Variants in OTOF observed in about 807,000 individuals in gnomAD.
OTOF encodes the protein fer-1-like family member 2.
OTOF carries 218 observed loss-of-function variants against 236.8 expected under a neutral mutation model. The ratio of observed to expected loss-of-function variants is 0.92; its 90% confidence interval spans 0.82 to 1.03. The LOEUF (loss-of-function observed/expected upper bound fraction) is 1.03, where lower values mean the gene tolerates loss of function less well. Ranked by LOEUF, OTOF falls within the 50% of genes least tolerant of loss-of-function variation. OTOF has a pLI of 0.00. For synonymous variants in OTOF, 1,041 were observed against 1,072.5 expected, an observed-to-expected ratio of 0.97 and a Z score of 0.57; for missense variants, 2,590 against 2,694.4, an observed-to-expected ratio of 0.96 and a Z score of 0.86.
In OTOF at chr2:26,477,082, G is replaced by T; in HGVS notation, c.2524-39C>A. ...GGTGGCCAGGGGCAGTGGGTAAGGGGGTCTAGCCTCCTGATTGAGCCCCCT... is the reference window on the plus strand; with the variant it reads ...GGTGGCCAGGGGCAGTGGGTAAGGGTGTCTAGCCTCCTGATTGAGCCCCCT... On this transcript the variant is annotated intron_variant, in intron 21 of 46. Coordinates refer to ENST00000272371, the MANE Select transcript of OTOF (RefSeq NM_194248.3). This position sits in a 1 kb window ranked among gnomAD's most constrained non-coding sequence, Gnocchi z 4.7. 2 of 1,526,054 alleles carry T rather than the reference G, an allele frequency of 1.3e-6. No homozygotes were observed. Among genetic ancestry groups the T allele is most frequent in the South Asian group, 1.2e-5 (1 of 85,276 alleles). 94.5% of individuals were successfully genotyped at this position (1,526,054 alleles called of 1,614,324 possible).
intron 38 of OTOF, 142 bp downstream of exon 38, chr2:26,465,530 C>A: frequency 1.2e-6 from 1 of 840,350 alleles, no homozygotes; most frequent in Non-Finnish European, 1.9e-6. Context: ...AAGACTGTGC[C>A]CAGGGACTGT....
Position 26,475,451 on chromosome 2 carries a change from C to T in OTOF, c.3034G>A (p.Val1012Met). Residue 1012 changes from valine (V) to methionine (M), a missense_variant, in exon 25 of 47, where the codon GTG becomes ATG. By Grantham distance (21) the Val-to-Met change is conservative (BLOSUM62 1). Around this residue, in one of 2 missense-constraint regions of OTOF, gnomAD observed 1,211 missense variants for 1,352.8 expected, o/e 0.90. Transcript: ENST00000272371. The part of the protein sequence containing the change: ...TLCPTWDQML[V>M]FDNLELYGEA... The stretch of plus-strand genomic sequence containing the variant: ...CCATAGAGCTCCAGGTTGTCGAACA[C>T]CAGCATCTGGTCCCAGGTGGGACAC... 6.2e-7 allele frequency: 1 copy of T among 1,613,122 alleles called. No homozygotes were observed. The highest frequency in any genetic ancestry group is 8.5e-7 in the Non-Finnish European group (1 of 1,179,938).
In OTOF at chr2:26,460,181, C is replaced by T; in HGVS notation, c.5838G>A (p.Trp1946Ter). 1 of 1,605,068 alleles carries T rather than the reference C, an allele frequency of 6.2e-7. No homozygotes were observed. The highest frequency in any genetic ancestry group is 8.5e-7 in the Non-Finnish European group (1 of 1,176,374). Residue 1946 changes from tryptophan (W) to a stop codon, truncating the protein, a stop_gained, in exon 46 of 47, where the codon TGG becomes TGA. Transcript: ENST00000272371. LOFTEE classifies it high-confidence loss of function. The surrounding 1 kb of genome is among the most constrained non-coding windows in gnomAD (Gnocchi z 5.3). ...GAGCCGACTTGAGAGGGTTCAGGAA[C>T]CAGATGAAGCTCGTGTCGGGCCGGC... ...KPNRPDTSFIWFLNPLKSARY... is the reference protein window; with the variant it reads ...KPNRPDTSFI
Position 26,462,260 on chromosome 2 carries a change from C to A in OTOF, c.5193-79G>T. On this transcript the variant is annotated intron_variant, in intron 41 of 46. Coordinates refer to ENST00000272371, the MANE Select transcript of OTOF (RefSeq NM_194248.3). This position sits in a 1 kb window ranked among gnomAD's most constrained non-coding sequence, Gnocchi z 4.7. ...GGTGCCAGGGCTGGGATGGGGCAGG[C>A]GGAGAGAAGCCCTGGGGTCTTGGGG... 1 of 1,222,254 alleles carries A rather than the reference C, an allele frequency of 8.2e-7. No individual in the cohort carries two copies. The highest frequency in any genetic ancestry group is 1.2e-6 in the Non-Finnish European group (1 of 825,478). The allele number at this position is 1,222,254 out of a possible 1,614,324, so 75.7% of individuals were successfully genotyped here. A position where few individuals can be genotyped will look rare whatever the true frequency, so the allele number is the denominator to read the frequency against.
rs34960757 is a variant in OTOF at position 26,464,930 on chromosome 2, AG to A, written c.4898del (p.Pro1633LeufsTer4). 2 of 1,586,510 alleles carry A rather than the reference AG, an allele frequency of 1.3e-6. No homozygotes were observed. The highest frequency in any genetic ancestry group is 1.7e-6 in the Non-Finnish European group (2 of 1,166,000). On this transcript the variant is annotated frameshift_variant, in exon 39 of 47. Coordinates refer to ENST00000272371, the MANE Select transcript of OTOF (RefSeq NM_194248.3). LOFTEE classifies it high-confidence loss of function. ...GKVDGPHFGP[P>X]GRVKVANRVF... Reference sequence around the variant, plus strand: ...CGCGGTTGGCCACCTTCACTCTCCCAGGGGGCCCAAAGTGGGGGCCGTCCAC... The same window carrying A: ...CGCGGTTGGCCACCTTCACTCTCCCAGGGGCCCAAAGTGGGGGCCGTCCAC...
At chr2:26,517,799 G>A (rs1486575531) in intron 4 of OTOF, among the ~76,000 whole-genome samples, 3 of 152,194 alleles carry the variant, frequency 2.0e-5, no homozygotes, top group Non-Finnish European at 4.4e-5. Flanking sequence ...AGATCCGTGA[G>A]TCCTTTCCTC....
chr2:26,465,543 G>A (rs1476818669), intron 38 of OTOF, 129 bp downstream of exon 38: 3 of 953,908 alleles, frequency 3.1e-6, no homozygotes, highest in South Asian at 2.8e-5. Context: ...GGGACTGTAG[G>A]GGCAGAGGCC....
At position 26,480,271 on chromosome 2, in the gene OTOF, G is replaced by C. The variant is rs759365439; in HGVS notation, c.1844C>G (p.Ala615Gly). ...GKMEEFFLFG[A>G]FLEASMIDRR... ...GTCGATCATTGAGGCCTCCAGGAAG[G>C]CTCCAAAGAGAAAGAATTCTTCCAT... The change falls in exon 16 of 47, where the codon GCC becomes GGC. Residue 615 changes from alanine (A) to glycine (G), a missense_variant. By Grantham distance (60) the Ala-to-Gly change is moderately conservative. Around this residue, in one of 2 missense-constraint regions of OTOF, gnomAD observed 1,379 missense variants for 1,341.6 expected, o/e 1.03. Transcript: ENST00000272371. 1 of 1,612,388 alleles carries C rather than the reference G, an allele frequency of 6.2e-7. No individual in the cohort carries two copies. Among genetic ancestry groups the C allele is most frequent in the Admixed American group, 1.7e-5 (1 of 60,030 alleles).
chr2:26,541,035 C>T (rs1667201466), intron 1 of OTOF, among the ~76,000 whole-genome samples: 1 of 152,232 alleles, frequency 6.6e-6, no homozygotes, highest in African/African-American at 2.4e-5. Flanking sequence ...TGTATGGGGG[C>T]TTCCCCTAAA....
intron 5 of OTOF, among the ~76,000 whole-genome samples, chr2:26,515,789 G>C (rs1666508676): frequency 6.6e-6 from 1 of 152,198 alleles, no homozygotes; most frequent in African/African-American, 2.4e-5. Context: ...GTCTCTAATA[G>C]TAATACAATT....
At chr2:26,464,548 G>A (rs1171161924) in intron 39 of OTOF, among the ~76,000 whole-genome samples, 1 of 152,158 alleles carries the variant, frequency 6.6e-6, no homozygotes, top group Non-Finnish European at 1.5e-5. Flanking sequence ...CCTCTAAAGA[G>A]CCACATGACC....
chr2:26,462,156 T>G lies in OTOF; in HGVS notation c.5218A>C (p.Asn1740His). The G allele has an allele frequency of 1.2e-6, 2 of 1,613,784 alleles. No individual in the cohort carries two copies. Among genetic ancestry groups the G allele is most frequent in the South Asian group, 2.2e-5 (2 of 91,050 alleles). Residue 1740 changes from asparagine (N) to histidine (H), a missense_variant, in exon 42 of 47, where the codon AAC (asparagine) becomes CAC (histidine). Around this residue, in one of 2 missense-constraint regions of OTOF, gnomAD observed 1,211 missense variants for 1,352.8 expected, o/e 0.90. Transcript: ENST00000272371. The surrounding 1 kb of genome is among the most constrained non-coding windows in gnomAD (Gnocchi z 4.7). Reference protein sequence around the residue: ...KKYELRVIIWNTDEVVLEDDD... With the variant: ...KKYELRVIIWHTDEVVLEDDD... Reference sequence around the variant, plus strand: ...TCCTCCAAGACCACCTCATCTGTGTTCCAGATGATGACCCGCAGCTCGTAC... The same window carrying G: ...TCCTCCAAGACCACCTCATCTGTGTGCCAGATGATGACCCGCAGCTCGTAC...
chr2:26,501,834 C>T (rs1024038495), intron 7 of OTOF, 26 bp from the exon 8 acceptor site: 18 of 1,592,758 alleles, frequency 1.1e-5, no homozygotes, highest in African/African-American at 1.3e-5. Context: ...TACCATCAGG[C>T]CTGGGGTATG....
At chr2:26,532,267 G>A (rs1008140653) in intron 2 of OTOF, among the ~76,000 whole-genome samples, 1 of 152,010 alleles carries the variant, frequency 6.6e-6, no homozygotes, top group Non-Finnish European at 1.5e-5. Context: ...AGTTGCCCGC[G>A]GGCACAAGGC....
In OTOF at chr2:26,481,019, T is replaced by G. The variant is rs369178398; in HGVS notation, c.1580-10A>C. ...AGTGTGGGCAGGAAGCCTGTGGCAG[T>G]GGGAACAAAAATGAGGGGGCAGCGT... On this transcript the variant is annotated splice_polypyrimidine_tract_variant and intron_variant, in intron 14 of 46. Transcript: ENST00000272371. The G allele has an allele frequency of 6.2e-6, 10 of 1,608,164 alleles. No homozygotes were observed. The South Asian group carries it at 1.1e-4, about 18-fold the overall frequency.
intron 25 of OTOF, 85 bp from the exon 26 acceptor site, chr2:26,474,759 G>C: frequency 6.8e-7 from 1 of 1,465,086 alleles, no homozygotes; most frequent in African/African-American, 1.4e-5. Flanking sequence ...AGCGCCATGA[G>C]TTGTTGTAAG....
intron 2 of OTOF, among the ~76,000 whole-genome samples, chr2:26,536,734 AG>A (rs1050621611): frequency 6.6e-6 from 1 of 152,054 alleles, no homozygotes; most frequent in Non-Finnish European, 1.5e-5. Flanking sequence ...CCCAGGAGAG[AG>A]GGGGTACACT....
chr2:26,477,795 C>T lies in OTOF; in HGVS notation c.2215-46G>A. On this transcript the variant is annotated intron_variant, in intron 18 of 46. Transcript: ENST00000272371. This position sits in a 1 kb window ranked among gnomAD's most constrained non-coding sequence, Gnocchi z 4.7. ...TGATGCTGGGCCACAGCCCCGCCTC[C>T]CCAGCCTCCCCAAATGCCTCCTCCC... 2 of 1,606,218 alleles carry T rather than the reference C, an allele frequency of 1.2e-6. No homozygotes were observed. Among genetic ancestry groups the T allele is most frequent in the Non-Finnish European group, 1.7e-6 (2 of 1,176,794 alleles).
At chr2:26,459,133 G>C (rs1275335178) in intron 46 of OTOF, among the ~76,000 whole-genome samples, 1 of 152,238 alleles carries the variant, frequency 6.6e-6, no homozygotes, top group Non-Finnish European at 1.5e-5. Flanking sequence ...CTGAAGGGCA[G>C]AAAACAACAG....
Sources: allele counts gnomAD v4.1 joint callset (sites outside exome capture counted in the v4.1 genomes callset), GRCh38; gene constraint gnomAD v4.1.1; regional missense constraint gnomAD v4.1.1; non-coding constraint Gnocchi (gnomAD v3.1); transcripts MANE v1.5; gene names NCBI Gene and HGNC (gene_info 2026-07-23, HGNC 2026-07-21).